SPINT2: variants seen among roughly 807,000 people sequenced by gnomAD.
The protein encoded by SPINT2 is serine peptidase inhibitor, Kunitz type 2.
SPINT2 carries 18 observed loss-of-function variants against 30.1 expected under a neutral mutation model. The observed-to-expected ratio is 0.60, with a 90% CI of 0.41 to 0.89. SPINT2 has a LOEUF of 0.89. Ranked by LOEUF, SPINT2 falls within the 40% of genes least tolerant of loss-of-function variation. The pLI is 0.00. For missense variants in SPINT2, 276 were observed against 334.3 expected, an observed-to-expected ratio of 0.83 and a Z score of 1.36; for synonymous variants, 139 against 137.9, an observed-to-expected ratio of 1.01 and a Z score of -0.05.
chr19:38,270,321 G>A (rs1765349187), intron 1 of SPINT2, among the ~76,000 whole-genome samples: 1 of 152,172 alleles, frequency 6.6e-6, no homozygotes, highest in South Asian at 2.1e-4. Context: ...CCTACTTGCA[G>A]GCAAGGCAGT....
In SPINT2 at chr19:38,280,977, G is replaced by A. The variant is rs184384621; in HGVS notation, c.107-2650G>A. On this transcript the variant is annotated intron_variant, in intron 1 of 6. Coordinates refer to ENST00000301244, the MANE Select transcript of SPINT2 (RefSeq NM_021102.4). ...CCAGGGCTCACTGTGGCAGGGCGGC[G>A]GAGAGGCTGCTGGCGCCTCTGTAGC... Among the ~76,000 whole-genome samples, 638 of 152,320 alleles carry A rather than the reference G, an allele frequency of 4.2e-3. 13 individuals carry two copies. The highest frequency in any genetic ancestry group is 0.037 in the Admixed American group (567 of 15,300).
In SPINT2 at chr19:38,290,408, C is replaced by T. The variant is rs1968702833; in HGVS notation, c.553+128C>T. The T allele has an allele frequency of 6.3e-7, 1 of 1,587,282 alleles. No individual in the cohort carries two copies. Among genetic ancestry groups the T allele is most frequent in the Non-Finnish European group, 8.6e-7 (1 of 1,165,468 alleles). The stretch of plus-strand genomic sequence containing the variant: ...CCACCAGGGCAGCAAGGCCTCTAAG[C>T]CCCAGAAAAGCTGGAAGAAAGCCCC... On this transcript the variant is annotated intron_variant, in intron 5 of 6. Coordinates refer to ENST00000301244, the MANE Select transcript of SPINT2 (RefSeq NM_021102.4). This position sits in a 1 kb window ranked among gnomAD's most constrained non-coding sequence, Gnocchi z 4.3.
chr19:38,288,080 T>A, intron 3 of SPINT2, 145 bp downstream of exon 3: 1 of 856,130 alleles, frequency 1.2e-6, no homozygotes, highest in Non-Finnish European at 1.9e-6. Flanking sequence ...CTGCCTGGGC[T>A]GCCGGCTTCT....
chr19:38,283,496 A>G (rs1968604166), intron 1 of SPINT2, 131 bp from the exon 2 acceptor site: 2 of 1,162,394 alleles, frequency 1.7e-6, no homozygotes, highest in Non-Finnish European at 2.5e-6. Context: ...TGGGCTTGGG[A>G]AACAGCTCAC....
intron 2 of SPINT2, among the ~76,000 whole-genome samples, chr19:38,286,352 A>C (rs958399610): frequency 6.6e-6 from 1 of 152,192 alleles, no homozygotes; most frequent in African/African-American, 2.4e-5. Flanking sequence ...TGCTTGATGA[A>C]GAGAGAGGCA....
intron 1 of SPINT2, among the ~76,000 whole-genome samples, chr19:38,269,366 C>G (rs989335368): frequency 1.4e-5 from 2 of 148,120 alleles, no homozygotes; most frequent in African/African-American, 5.0e-5. Flanking sequence ...TGGAGGCAAG[C>G]AGGGCAACAC....
Position 38,271,079 on chromosome 19 carries a change from T to G in SPINT2, c.106+6081T>G, listed in dbSNP as rs544457786. On this transcript the variant is annotated intron_variant, in intron 1 of 6. Transcript: ENST00000301244. ...TGTTGATGCTGAGGCCCAGGAACTT[T>G]GGAGTTTATTTACCTTTTTTTGTTG... Among the ~76,000 whole-genome samples, 10 of 152,378 alleles carry G rather than the reference T, an allele frequency of 6.6e-5. No individual in the cohort carries two copies. In the East Asian group the frequency reaches 1.2e-3, roughly 18 times the overall value.
At chr19:38,268,791 T>G (rs1319826558) in intron 1 of SPINT2, among the ~76,000 whole-genome samples, 1 of 124,264 alleles carries the variant, frequency 8.0e-6, no homozygotes, top group African/African-American at 2.9e-5. Context: ...GTGTGTGTGT[T>G]ACGGCTGGCT....
intron 2 of SPINT2, 113 bp from the exon 3 acceptor site, chr19:38,287,763 A>C (rs1369036506): frequency 2.6e-6 from 3 of 1,137,272 alleles, no homozygotes; most frequent in Non-Finnish European, 2.7e-6. Flanking sequence ...TGAAGGTCCC[A>C]TGTAAAGGAG....
intron 1 of SPINT2, among the ~76,000 whole-genome samples, chr19:38,272,590 C>G (rs773764795): frequency 6.6e-6 from 1 of 152,152 alleles, no homozygotes; most frequent in Non-Finnish European, 1.5e-5. Flanking sequence ...CCCAGCTATT[C>G]AGATGGACTG....
chr19:38,285,749 G>A (rs1968633293), intron 2 of SPINT2, among the ~76,000 whole-genome samples: 1 of 152,026 alleles, frequency 6.6e-6, no homozygotes. Flanking sequence ...TGATGACTTG[G>A]TGTTGTCTCT....
intron 1 of SPINT2, among the ~76,000 whole-genome samples, chr19:38,275,357 C>A (rs1462264432): frequency 6.6e-6 from 1 of 152,148 alleles, no homozygotes; most frequent in Non-Finnish European, 1.5e-5. Flanking sequence ...CAGGGTCTTG[C>A]TCTGTCGCCC....
intron 1 of SPINT2, among the ~76,000 whole-genome samples, chr19:38,282,299 G>T (rs1377713715): frequency 6.6e-6 from 1 of 152,176 alleles, no homozygotes; most frequent in Non-Finnish European, 1.5e-5. Context: ...CAAGCGTTTG[G>T]CTGTGGGATG....
At chr19:38,277,459 C>G (rs1968533925) in intron 1 of SPINT2, among the ~76,000 whole-genome samples, 1 of 152,060 alleles carries the variant, frequency 6.6e-6, no homozygotes, top group Non-Finnish European at 1.5e-5. Flanking sequence ...CTCAGCCTCC[C>G]AAAGTGCTGG....
chr19:38,276,596 C>T (rs1169664188), intron 1 of SPINT2, among the ~76,000 whole-genome samples: 4 of 151,434 alleles, frequency 2.6e-5, no homozygotes, highest in South Asian at 2.1e-4. Context: ...GAGCCAAGAT[C>T]GCACCACTGC....
intron 1 of SPINT2, among the ~76,000 whole-genome samples, chr19:38,281,432 G>A (rs1344299523): frequency 6.6e-5 from 10 of 151,898 alleles, no homozygotes; most frequent in Admixed American, 5.3e-4. Flanking sequence ...TATATAGGCC[G>A]GGCGCGGTGG....
At chr19:38,286,028 T>A (rs1337942481) in intron 2 of SPINT2, among the ~76,000 whole-genome samples, 1 of 152,110 alleles carries the variant, frequency 6.6e-6, no homozygotes, top group African/African-American at 2.4e-5. Flanking sequence ...GCTGTCTCCC[T>A]AGAGTCCGGC....
At chr19:38,286,260 G>A (rs527979258) in intron 2 of SPINT2, among the ~76,000 whole-genome samples, 1 of 152,116 alleles carries the variant, frequency 6.6e-6, no homozygotes, top group African/African-American at 2.4e-5. Flanking sequence ...AACCAGGACC[G>A]CCCCGGGGAG....
intron 2 of SPINT2, among the ~76,000 whole-genome samples, chr19:38,287,346 G>A (rs1323410088): frequency 6.6e-6 from 1 of 152,152 alleles, no homozygotes; most frequent in African/African-American, 2.4e-5. Context: ...CTACAGGCGC[G>A]TGCCACCACA....
Sources: allele counts gnomAD v4.1 joint callset (sites outside exome capture counted in the v4.1 genomes callset), GRCh38; gene constraint gnomAD v4.1.1; non-coding constraint Gnocchi (gnomAD v3.1); transcripts MANE v1.5; gene names NCBI Gene and HGNC (gene_info 2026-07-23, HGNC 2026-07-21).